The following RFX4 variants were observed in gnomAD, a reference collection of about 807,000 sequenced individuals.
RFX4 encodes transcription factor RFX4.
Under a neutral mutation model 95.0 loss-of-function variants are expected in RFX4, and 10 were observed. That is an observed-to-expected ratio of 0.11 (90% CI 0.06 to 0.18). RFX4 has a LOEUF of 0.18. RFX4 is among the 10% of genes least tolerant of loss of function. The pLI is 1.00. For missense variants in RFX4, 640 were observed against 922.0 expected (o/e 0.69, Z 3.96); for synonymous variants, 321 against 340.7 (o/e 0.94, Z 0.64).
Position 106,645,921 on chromosome 12 carries a change from C to G in RFX4, c.191+6529C>G, listed in dbSNP as rs764243068. 27 of 1,289,014 alleles carry G rather than the reference C, an allele frequency of 2.1e-5. No individual in the cohort carries two copies. In the South Asian group the frequency reaches 3.3e-4, roughly 16 times the overall value. The allele number at this position is 1,289,014 out of a possible 1,614,324, so 79.8% of individuals were successfully genotyped here. A position where few individuals can be genotyped will look rare whatever the true frequency, so the allele number is the denominator to read the frequency against. ...ACTGTGTCCCTCCGGATGACCTCAGCTACAGATGGAGAAAGGTCAGTTAAG... is the reference window on the plus strand; with the variant it reads ...ACTGTGTCCCTCCGGATGACCTCAGGTACAGATGGAGAAAGGTCAGTTAAG... On this transcript the variant is annotated intron_variant, in intron 3 of 17. Transcript: ENST00000392842.
At chr12:106,605,778 T>C (rs1325499448) in intron 1 of RFX4, among the ~76,000 whole-genome samples, 1 of 152,240 alleles carries the variant, frequency 6.6e-6, no homozygotes, top group African/African-American at 2.4e-5. Flanking sequence ...TGTCTTCTCA[T>C]ATCTGCAATG....
intron 1 of RFX4, among the ~76,000 whole-genome samples, chr12:106,601,947 T>C (rs566714851): frequency 3.4e-4 from 52 of 152,288 alleles, no homozygotes; most frequent in Non-Finnish European, 6.0e-4. Context: ...TGCCACCCCC[T>C]CTGTGAAGCA....
chr12:106,612,825 G>A (rs973142694), intron 2 of RFX4, among the ~76,000 whole-genome samples: 80 of 150,824 alleles, frequency 5.3e-4, no homozygotes, highest in African/African-American at 1.8e-3. Context: ...GTGACAGAGC[G>A]AGACTACGTC....
intron 17 of RFX4, 106 bp from the exon 18 acceptor site, chr12:106,761,091 A>T: frequency 8.3e-7 from 1 of 1,208,100 alleles, no homozygotes; most frequent in Non-Finnish European, 1.2e-6. Context: ...AACTCTCATT[A>T]ATAGCATCTT....
intron 10 of RFX4, among the ~76,000 whole-genome samples, chr12:106,712,796 T>G (rs2042217161): frequency 6.6e-6 from 1 of 152,134 alleles, no homozygotes; most frequent in South Asian, 2.1e-4. Context: ...AAAGAAACAC[T>G]GCCTTATTTC....
chr12:106,754,569 A>G (rs368047647), intron 17 of RFX4, among the ~76,000 whole-genome samples: 28 of 152,166 alleles, frequency 1.8e-4, no homozygotes, highest in African/African-American at 6.3e-4. Context: ...AAATGGCAGG[A>G]GCTGGTTTTC....
intron 15 of RFX4, among the ~76,000 whole-genome samples, chr12:106,739,483 G>T (rs1349224213): frequency 2.0e-5 from 3 of 151,978 alleles, no homozygotes; most frequent in African/African-American, 4.8e-5. Context: ...CAAGGACTAG[G>T]GAATACAAGG....
At chr12:106,743,284 A>G (rs1484355229) in intron 15 of RFX4, among the ~76,000 whole-genome samples, 1 of 152,242 alleles carries the variant, frequency 6.6e-6, no homozygotes, top group Non-Finnish European at 1.5e-5. Context: ...AACTAAGCAC[A>G]AACTGTAAGC....
At chr12:106,644,147 A>G (rs1439643426) in intron 3 of RFX4, among the ~76,000 whole-genome samples, 1 of 151,904 alleles carries the variant, frequency 6.6e-6, no homozygotes, top group African/African-American at 2.4e-5. Context: ...AGCTACACTC[A>G]TGGTTCATAA....
chr12:106,740,202 C>T (rs2042782241), intron 15 of RFX4, among the ~76,000 whole-genome samples: 1 of 152,248 alleles, frequency 6.6e-6, no homozygotes, highest in Non-Finnish European at 1.5e-5. Flanking sequence ...ATGGCCCTAA[C>T]TGTAGAACAT....
chr12:106,608,924 T>G, intron 2 of RFX4, 41 bp downstream of exon 2: 2 of 1,580,812 alleles, frequency 1.3e-6, no homozygotes, highest in Non-Finnish European at 8.6e-7. Context: ...ATCCCAGACA[T>G]GGCCAATGTC....
chr12:106,583,283 G>A lies in RFX4; in HGVS notation c.-38G>A, dbSNP rs73390189. 1,051 of 1,560,586 alleles carry A rather than the reference G, an allele frequency of 6.7e-4. 10 individuals are homozygous for A. In the African/African-American group the frequency reaches 0.013, roughly 19 times the overall value. On this transcript the variant is annotated 5_prime_UTR_variant, in exon 1 of 18. Coordinates refer to ENST00000392842, the MANE Select transcript of RFX4 (RefSeq NM_213594.3). ...AGCACAGGGGATCCCCAAACATCAG[G>A]ACTTTTGGGGGGCGCCTGTGCTGTC...
At chr12:106,734,974 A>G (rs1189566181) in intron 15 of RFX4, among the ~76,000 whole-genome samples, 1 of 150,558 alleles carries the variant, frequency 6.6e-6, no homozygotes, top group Non-Finnish European at 1.5e-5. Flanking sequence ...GGATCATTTG[A>G]TCGTAGGAGT....
chr12:106,682,768 G>A (rs2041546142), intron 5 of RFX4: 1 of 152,320 alleles, frequency 6.6e-6, no homozygotes, highest in Admixed American at 6.5e-5. Context: ...GGGGAGTGCA[G>A]AAGGCTGTGC....
chr12:106,622,330 G>A (rs75599096), intron 2 of RFX4, among the ~76,000 whole-genome samples: 2,032 of 152,142 alleles, frequency 0.013, 53 homozygotes, highest in African/African-American at 0.047. Flanking sequence ...ATCCTACTAT[G>A]TAGAGATAAC....
intron 17 of RFX4, among the ~76,000 whole-genome samples, chr12:106,758,988 C>T (rs2043161682): frequency 6.6e-6 from 1 of 152,186 alleles, no homozygotes; most frequent in African/African-American, 2.4e-5. Context: ...TTAGCACCTG[C>T]TAGGTGCTAG....
intron 4 of RFX4, among the ~76,000 whole-genome samples, chr12:106,669,842 GTGTGTGTGTGTGTGT>G (rs2041248520): frequency 1.2e-5 from 1 of 80,660 alleles, no homozygotes; most frequent in Admixed American, 1.3e-4. Context: ...TTCTAGGGGT[GTGTGTGTGTGTGTGT>G]GTGTGTGTGT....
chr12:106,678,931 C>G (rs908948698), intron 4 of RFX4, among the ~76,000 whole-genome samples: 11 of 152,162 alleles, frequency 7.2e-5, no homozygotes, highest in Non-Finnish European at 1.0e-4. Context: ...ATTTTTCACT[C>G]TCATTAGTAG....
At chr12:106,679,917 T>C (rs2041471481) in intron 4 of RFX4, among the ~76,000 whole-genome samples, 2 of 152,202 alleles carry the variant, frequency 1.3e-5, no homozygotes, top group South Asian at 4.1e-4. Flanking sequence ...GCACTGTTAC[T>C]GACCCCATCT....
Sources: gnomAD v4.1 joint callset for allele counts (sites outside exome capture counted in the v4.1 genomes callset) on GRCh38, gnomAD v4.1.1 for gene constraint, MANE v1.5 for transcripts, NCBI Gene and HGNC (gene_info 2026-07-23, HGNC 2026-07-21) for gene names.